ADGRB3: variants seen among roughly 807,000 people sequenced by gnomAD.
ADGRB3 encodes brain-specific angiogenesis inhibitor 3.
Under a neutral mutation model 193.4 loss-of-function variants are expected in ADGRB3, and 37 were observed. The ratio of observed to expected loss-of-function variants is 0.19; its 90% confidence interval spans 0.15 to 0.25. The LOEUF (loss-of-function observed/expected upper bound fraction) is 0.25, where lower values mean the gene tolerates loss of function less well. ADGRB3 is among the 10% of genes least tolerant of loss of function. ADGRB3 has a pLI of 1.00. For missense variants in ADGRB3, 1,637 were observed against 1,852.9 expected, an observed-to-expected ratio of 0.88 and a Z score of 2.14; for synonymous variants, 690 against 644.2, an observed-to-expected ratio of 1.07 and a Z score of -1.08.
chr6:68,838,555 A>G (rs16880686), intron 3 of ADGRB3, among the ~76,000 whole-genome samples: 5,064 of 152,262 alleles, frequency 0.033, 272 homozygotes, highest in African/African-American at 0.11. Context: ...GACAAGTGAT[A>G]CTATAATTAA....
chr6:69,284,024 C>G (rs1767498236), intron 20 of ADGRB3, among the ~76,000 whole-genome samples: 1 of 152,154 alleles, frequency 6.6e-6, no homozygotes, highest in African/African-American at 2.4e-5. Flanking sequence ...AAAAGGGGCC[C>G]TGGAACGATG....
At chr6:68,946,776 C>A (rs1245400564) in intron 6 of ADGRB3, among the ~76,000 whole-genome samples, 1 of 152,032 alleles carries the variant, frequency 6.6e-6, no homozygotes, top group Non-Finnish European at 1.5e-5. Flanking sequence ...AATGTTAAAG[C>A]ATTATAGTCG....
intron 3 of ADGRB3, among the ~76,000 whole-genome samples, chr6:68,694,983 A>G (rs1318571628): frequency 6.6e-6 from 1 of 152,072 alleles, no homozygotes; most frequent in East Asian, 1.9e-4. Context: ...CTTACGAGGT[A>G]ATAGGCATCG....
At chr6:69,270,194 C>G (rs768036475) in intron 20 of ADGRB3, among the ~76,000 whole-genome samples, 9 of 151,594 alleles carry the variant, frequency 5.9e-5, no homozygotes, top group Non-Finnish European at 1.2e-4. Context: ...ACCAGGCTTT[C>G]CATGACTAGA....
Position 68,635,911 on chromosome 6 carries a change from C to G in ADGRB3, c.-277C>G, listed in dbSNP as rs1481969601. ...GAAAATGGGCAACGGTGATTGGGAC[C>G]GAAGGGGAGTCTCTCCGTCACTGTT... On this transcript the variant is annotated 5_prime_UTR_variant, in exon 1 of 32. Transcript: ENST00000370598. The G allele has an allele frequency of 6.6e-6, 1 of 152,592 alleles. No homozygotes were observed. Among genetic ancestry groups the G allele is most frequent in the Non-Finnish European group, 1.5e-5 (1 of 68,188 alleles). 9.5% of individuals were successfully genotyped at this position (152,592 alleles called of 1,614,324 possible). A position where few individuals can be genotyped will look rare whatever the true frequency, so the allele number is the denominator to read the frequency against.
intron 3 of ADGRB3, among the ~76,000 whole-genome samples, chr6:68,915,588 A>T (rs137894716): frequency 6.6e-6 from 1 of 152,324 alleles, no homozygotes; most frequent in Non-Finnish European, 1.5e-5. Context: ...GTTGTTGCGT[A>T]GACAGGAGAG....
chr6:68,946,090 G>A (rs908021453), intron 6 of ADGRB3, among the ~76,000 whole-genome samples: 1 of 152,028 alleles, frequency 6.6e-6, no homozygotes, highest in Non-Finnish European at 1.5e-5. Flanking sequence ...TCTGACTTCC[G>A]TTGTTTTCAT....
intron 11 of ADGRB3, among the ~76,000 whole-genome samples, chr6:69,012,881 A>T (rs1769977886): frequency 6.6e-6 from 1 of 152,060 alleles, no homozygotes. Context: ...TGATGAGACT[A>T]ACAAGTTATG....
At chr6:68,905,058 T>A (rs1488414629) in intron 3 of ADGRB3, among the ~76,000 whole-genome samples, 1 of 152,204 alleles carries the variant, frequency 6.6e-6, no homozygotes, top group Admixed American at 6.5e-5. Context: ...TGGCTCATAC[T>A]GGACAAAATC....
intron 20 of ADGRB3, among the ~76,000 whole-genome samples, chr6:69,289,694 C>T (rs576265373): frequency 2.0e-5 from 3 of 152,090 alleles, no homozygotes; most frequent in Non-Finnish European, 2.9e-5. Context: ...TTTTCTGTTC[C>T]CATAAACATC....
In ADGRB3 at chr6:68,679,882, A is replaced by G. The variant is rs146299679; in HGVS notation, c.757+40450A>G. Reference sequence around the variant, plus strand: ...AGTCAAATAACAAAAAATGCTTTTCATAGGTTGCTATGGTCTGAATATAAC... The same window carrying G: ...AGTCAAATAACAAAAAATGCTTTTCGTAGGTTGCTATGGTCTGAATATAAC... On this transcript the variant is annotated intron_variant, in intron 3 of 31. Coordinates refer to ENST00000370598, the MANE Select transcript of ADGRB3 (RefSeq NM_001704.3). Among the ~76,000 whole-genome samples, 571 of 152,328 alleles carry G rather than the reference A, an allele frequency of 3.7e-3. 1 individual carries two copies. Among genetic ancestry groups the G allele is most frequent in the African/African-American group, 0.013 (537 of 41,574 alleles).
At chr6:69,350,441 GATT>G (rs1769197836) in intron 26 of ADGRB3, among the ~76,000 whole-genome samples, 1 of 151,758 alleles carries the variant, frequency 6.6e-6, no homozygotes, top group Admixed American at 6.6e-5. Context: ...ATCTATTACA[GATT>G]ATTATAAAAA....
intron 3 of ADGRB3, among the ~76,000 whole-genome samples, chr6:68,892,200 T>G (rs566808706): frequency 6.6e-6 from 1 of 152,186 alleles, no homozygotes; most frequent in Non-Finnish European, 1.5e-5. Flanking sequence ...CTCTAAACTA[T>G]AGTTTGGAAC....
At chr6:68,997,780 A>C (rs2150277197) in intron 11 of ADGRB3, among the ~76,000 whole-genome samples, 1 of 152,218 alleles carries the variant, frequency 6.6e-6, no homozygotes, top group East Asian at 1.9e-4. Flanking sequence ...TGTCATTATT[A>C]TTTCTAAAAG....
At chr6:69,216,348 G>A (rs1033877264) in intron 17 of ADGRB3, among the ~76,000 whole-genome samples, 4 of 152,110 alleles carry the variant, frequency 2.6e-5, no homozygotes, top group South Asian at 2.1e-4. Flanking sequence ...TAGGATCAAG[G>A]TTTCTATCAA....
intron 17 of ADGRB3, among the ~76,000 whole-genome samples, chr6:69,206,246 G>T (rs1765538298): frequency 6.6e-6 from 1 of 151,668 alleles, no homozygotes; most frequent in African/African-American, 2.4e-5. Flanking sequence ...TGGGAAGCTA[G>T]TCCAGTCTCT....
At chr6:68,719,399 G>A (rs1765537517) in intron 3 of ADGRB3, among the ~76,000 whole-genome samples, 1 of 151,738 alleles carries the variant, frequency 6.6e-6, no homozygotes, top group Admixed American at 6.6e-5. Context: ...TTAAAATTTT[G>A]TAGTTAGTGA....
intron 3 of ADGRB3, among the ~76,000 whole-genome samples, chr6:68,904,765 A>G (rs181327790): frequency 3.1e-4 from 47 of 152,326 alleles, no homozygotes; most frequent in South Asian, 2.1e-3. Flanking sequence ...ATGGGCATCC[A>G]GGAATCCATT....
chr6:68,805,589 G>A (rs1272671128), intron 3 of ADGRB3, among the ~76,000 whole-genome samples: 1 of 152,144 alleles, frequency 6.6e-6, no homozygotes. Flanking sequence ...TGAGACCAGA[G>A]ATGAAAGATC....
Sources: allele counts gnomAD v4.1 joint callset (sites outside exome capture counted in the v4.1 genomes callset), GRCh38; gene constraint gnomAD v4.1.1; transcripts MANE v1.5; gene names NCBI Gene and HGNC (gene_info 2026-07-23, HGNC 2026-07-21).